SCAI: variants seen among roughly 807,000 people sequenced by gnomAD.
The protein encoded by SCAI is suppressor of cancer cell invasion.
SCAI carries 24 observed loss-of-function variants against 92.2 expected under a neutral mutation model. The observed-to-expected ratio is 0.26, with a 90% CI of 0.19 to 0.37. The LOEUF (loss-of-function observed/expected upper bound fraction) is 0.37. Ranked by LOEUF, SCAI falls within the 10% of genes least tolerant of loss-of-function variation. The probability of loss-of-function intolerance (pLI) is 1.00; values close to 1 mark genes in which losing one functional copy is unlikely to be tolerated. For missense variants in SCAI, 450 were observed against 736.2 expected, an observed-to-expected ratio of 0.61 and a Z score of 4.50; for synonymous variants, 261 against 258.6, an observed-to-expected ratio of 1.01 and a Z score of -0.09.
rs538388331 is a variant in SCAI, at chr9:125,027,465, C to T, written c.414-555G>A. Among the ~76,000 whole-genome samples, 3 of 152,252 alleles carry T rather than the reference C, an allele frequency of 2.0e-5. No homozygotes were observed. In the South Asian group the frequency reaches 6.2e-4, roughly 32 times the overall value. On this transcript the variant is annotated intron_variant, in intron 5 of 17. Transcript: ENST00000336505. ...AGTGGTGGGAATTTGGAGCGGTATG[C>T]CAAAATGTAGGAAATGGAAGAAGTT...
intron 3 of SCAI, among the ~76,000 whole-genome samples, chr9:125,032,267 C>A (rs1833092956): frequency 6.9e-6 from 1 of 145,594 alleles, no homozygotes; most frequent in African/African-American, 2.6e-5. Flanking sequence ...TCTCGGCTCA[C>A]TGCAACCTCC....
intron 2 of SCAI, among the ~76,000 whole-genome samples, chr9:125,117,380 GA>G (rs1202174192): frequency 6.6e-6 from 1 of 152,094 alleles, no homozygotes; most frequent in Non-Finnish European, 1.5e-5. Flanking sequence ...CTCAGTTTTA[GA>G]AGCCTGAGGA....
intron 3 of SCAI, among the ~76,000 whole-genome samples, chr9:125,038,333 C>T (rs1588169307): frequency 6.6e-6 from 1 of 152,202 alleles, no homozygotes; most frequent in Non-Finnish European, 1.5e-5. Context: ...GTGTGGCTAG[C>T]TCAACCTGCT....
chr9:125,004,329 CTT>C (rs563470435), intron 9 of SCAI, among the ~76,000 whole-genome samples: 160 of 134,298 alleles, frequency 1.2e-3, no homozygotes, highest in Middle Eastern at 7.7e-3. Context: ...AGCCCAAATT[CTT>C]TTTTTTTTTT....
intron 12 of SCAI, among the ~76,000 whole-genome samples, chr9:125,000,621 G>T: frequency 6.7e-6 from 1 of 149,768 alleles, no homozygotes. Context: ...AAAAGAAGTT[G>T]CAGAATAAAA....
At chr9:125,104,282 A>T (rs1313246146) in intron 2 of SCAI, among the ~76,000 whole-genome samples, 1 of 152,200 alleles carries the variant, frequency 6.6e-6, no homozygotes, top group Non-Finnish European at 1.5e-5. Context: ...AAAAACGACA[A>T]AGGAGTGTCC....
intron 9 of SCAI, among the ~76,000 whole-genome samples, chr9:125,017,641 C>A (rs1832787718): frequency 6.6e-6 from 1 of 152,068 alleles, no homozygotes; most frequent in East Asian, 1.9e-4. Context: ...ATTTCTAGTA[C>A]ATTAAATCTC....
In SCAI at chr9:124,947,664, C is replaced by T. The variant is rs906252392; in HGVS notation, c.*5143G>A. The T allele has an allele frequency of 1.3e-5, 2 of 152,118 alleles. No homozygotes were observed. Among genetic ancestry groups the T allele is most frequent in the African/African-American group, 4.8e-5 (2 of 41,414 alleles). The allele number at this position is 152,118 out of a possible 1,614,324, so 9.4% of individuals were successfully genotyped here. A position where few individuals can be genotyped will look rare whatever the true frequency, so the allele number is the denominator to read the frequency against. Reference sequence around the variant, plus strand: ...TGTATACATATATACAAAAAGTATACACAGAGATTGCATGTAGCATCACAA... The same window carrying T: ...TGTATACATATATACAAAAAGTATATACAGAGATTGCATGTAGCATCACAA... On this transcript the variant is annotated 3_prime_UTR_variant, in exon 18 of 18. Coordinates refer to ENST00000336505, the MANE Select transcript of SCAI (RefSeq NM_001144877.3).
chr9:125,017,154 A>T (rs1312339045), intron 9 of SCAI, among the ~76,000 whole-genome samples: 1 of 152,202 alleles, frequency 6.6e-6, no homozygotes. Context: ...GAGCTGTACT[A>T]GATAATGCCT....
At chr9:125,035,027 C>T (rs1343057369) in intron 3 of SCAI, among the ~76,000 whole-genome samples, 1 of 152,028 alleles carries the variant, frequency 6.6e-6, no homozygotes, top group Admixed American at 6.6e-5. Context: ...GAAATAAAAA[C>T]ATGAAGCTAT....
intron 3 of SCAI, among the ~76,000 whole-genome samples, chr9:125,044,621 C>T (rs144498464): frequency 2.6e-5 from 4 of 152,222 alleles, no homozygotes; most frequent in Non-Finnish European, 5.9e-5. Context: ...TCTTCCTGGG[C>T]GCAGGACAAG....
intron 2 of SCAI, among the ~76,000 whole-genome samples, chr9:125,129,759 T>C (rs773696197): frequency 2.0e-5 from 3 of 149,890 alleles, no homozygotes; most frequent in South Asian, 2.1e-4. Context: ...CCACCACGCA[T>C]GGGCAAAACA....
chr9:124,978,547 T>A (rs189521868), intron 14 of SCAI, among the ~76,000 whole-genome samples: 1 of 152,236 alleles, frequency 6.6e-6, no homozygotes, highest in African/African-American at 2.4e-5. Context: ...AATAGGAGTA[T>A]AAATTGATAT....
At chr9:124,976,588 T>G (rs1182165162) in intron 14 of SCAI, among the ~76,000 whole-genome samples, 1 of 152,184 alleles carries the variant, frequency 6.6e-6, no homozygotes, top group African/African-American at 2.4e-5. Context: ...TCATCTCTTA[T>G]TGTGGGTCAT....
In SCAI at chr9:124,949,458, T is replaced by G. The variant is rs924484004; in HGVS notation, c.*3349A>C. On this transcript the variant is annotated 3_prime_UTR_variant, in exon 18 of 18. Coordinates refer to ENST00000336505, the MANE Select transcript of SCAI (RefSeq NM_001144877.3). This position sits in a 1 kb window ranked among gnomAD's most constrained non-coding sequence, Gnocchi z 4.0. ...TTCCTAATGAAGCCTACCCTGATCA[T>G]CACTTTTTCTTTTCTTTTTTTCCAG... 1 of 152,236 alleles carries G rather than the reference T, an allele frequency of 6.6e-6. No individual in the cohort carries two copies. The highest frequency in any genetic ancestry group is 2.4e-5 in the African/African-American group (1 of 41,452). The allele number at this position is 152,236 out of a possible 1,614,324, so 9.4% of individuals were successfully genotyped here.
rs747802866 is a variant in SCAI, at chr9:124,981,654, AT to A, written c.1327-5469del. ...CTATCGACATAGTTTATAGTATTAA[AT>A]TTTTTTTTTTTTTAGTCAAGGTCTT... On this transcript the variant is annotated intron_variant, in intron 14 of 17. Coordinates refer to ENST00000336505, the MANE Select transcript of SCAI (RefSeq NM_001144877.3). Among the ~76,000 whole-genome samples the A allele has an allele frequency of 3.3e-3, 477 of 145,224 alleles. 1 individual carries two copies. The highest frequency in any genetic ancestry group is 7.2e-3 in the Middle Eastern group (2 of 276).
intron 17 of SCAI, among the ~76,000 whole-genome samples, chr9:124,958,707 G>C (rs1831370291): frequency 6.6e-6 from 1 of 152,046 alleles, no homozygotes; most frequent in African/African-American, 2.4e-5. Flanking sequence ...AGGAATTCGA[G>C]ATCAGCCTGG....
chr9:125,040,488 A>C (rs1251244989), intron 3 of SCAI, among the ~76,000 whole-genome samples: 1 of 152,208 alleles, frequency 6.6e-6, no homozygotes, highest in Non-Finnish European at 1.5e-5. Flanking sequence ...TCTATTTAAG[A>C]ATATATCGGG....
intron 2 of SCAI, among the ~76,000 whole-genome samples, chr9:125,089,875 T>C (rs563167798): frequency 2.0e-4 from 30 of 152,326 alleles, no homozygotes; most frequent in African/African-American, 6.3e-4. Flanking sequence ...AAAAGATACC[T>C]GTTTTCTTAT....
Sources: gnomAD v4.1 joint callset for allele counts (sites outside exome capture counted in the v4.1 genomes callset) on GRCh38, gnomAD v4.1.1 for gene constraint, Gnocchi (gnomAD v3.1) non-coding constraint, MANE v1.5 for transcripts, NCBI Gene and HGNC (gene_info 2026-07-23, HGNC 2026-07-21) for gene names.